Variants in EXOC4 observed in about 807,000 individuals in gnomAD.
EXOC4 encodes the protein SEC8-like 1.
EXOC4 carries 71 observed loss-of-function variants against 107.2 expected under a neutral mutation model. The ratio of observed to expected loss-of-function variants is 0.66; its 90% CI spans 0.55 to 0.81. EXOC4 has a LOEUF of 0.81. Ranked by LOEUF, EXOC4 falls within the 30% of genes least tolerant of loss-of-function variation. EXOC4 has a pLI of 0.00. For missense variants in EXOC4, 1,108 were observed against 1,189.6 expected (o/e 0.93, Z 1.01); for synonymous variants, 456 against 441.2 (o/e 1.03, Z -0.42).
At chr7:133,937,549 C>CA (rs1212078972) in intron 13 of EXOC4, among the ~76,000 whole-genome samples, 2 of 152,140 alleles carry the variant, frequency 1.3e-5, no homozygotes, top group Non-Finnish European at 2.9e-5. Flanking sequence ...AGCTGTTTAT[C>CA]AACTTCTATA....
rs1793971886 is a variant in EXOC4 at position 133,275,629 on chromosome 7, AG to A, written c.276+461del. 2.0e-5 allele frequency among the ~76,000 whole-genome samples: 3 copies of A among 152,270 alleles called. No homozygotes were observed. In the South Asian group the frequency reaches 6.2e-4, roughly 32 times the overall value. On this transcript the variant is annotated intron_variant, in intron 2 of 17. Coordinates refer to ENST00000253861, the MANE Select transcript of EXOC4 (RefSeq NM_021807.4). The stretch of plus-strand genomic sequence containing the variant: ...ACCTATTGACACTCACATGAATTGG[AG>A]GGCAGCCAGTCGAATACCCTTTTAT...
the EXOC4 span, among the ~76,000 whole-genome samples, chr7:134,087,151 C>G: frequency 6.6e-6 from 1 of 152,156 alleles, no homozygotes; most frequent in African/African-American, 2.4e-5. Context: ...TTTACTCCAC[C>G]CTTATTCAAG....
chr7:133,302,449 C>CTA, intron 3 of EXOC4, among the ~76,000 whole-genome samples: 1 of 152,138 alleles, frequency 6.6e-6, no homozygotes, highest in East Asian at 1.9e-4. Flanking sequence ...TTATATCTGT[C>CTA]TATATATATG....
chr7:134,071,835 T>C, the EXOC4 span, among the ~76,000 whole-genome samples: 1 of 152,168 alleles, frequency 6.6e-6, no homozygotes, highest in Non-Finnish European at 1.5e-5. Flanking sequence ...CTGTGCTATT[T>C]TGAGCCAAAC....
intron 7 of EXOC4, among the ~76,000 whole-genome samples, chr7:133,451,930 T>C (rs1285575701): frequency 6.6e-6 from 1 of 152,202 alleles, no homozygotes; most frequent in Non-Finnish European, 1.5e-5. Flanking sequence ...TGCCTTGCTA[T>C]TACCTTTTTA....
At chr7:134,017,188 A>G (rs1794928893) in intron 17 of EXOC4, among the ~76,000 whole-genome samples, 1 of 152,104 alleles carries the variant, frequency 6.6e-6, no homozygotes, top group African/African-American at 2.4e-5. Context: ...ATTTGCCTTT[A>G]ATACCCCAGA....
chr7:133,895,898 T>C (rs1009992664), intron 12 of EXOC4, among the ~76,000 whole-genome samples, 163 bp downstream of exon 12: 1 of 152,128 alleles, frequency 6.6e-6, no homozygotes, highest in African/African-American at 2.4e-5. Context: ...CTTTGTGTAG[T>C]CAGACCAACA....
chr7:133,855,072 A>AATATATATAAAT (rs368720520), intron 11 of EXOC4, among the ~76,000 whole-genome samples: 3 of 57,094 alleles, frequency 5.3e-5, no homozygotes, highest in African/African-American at 1.6e-4. Flanking sequence ...AATATATCTA[A>AATATATATAAAT]ATATATCTAA....
intron 5 of EXOC4, among the ~76,000 whole-genome samples, chr7:133,344,364 T>A (rs533674049): frequency 1.3e-5 from 2 of 152,332 alleles, no homozygotes; most frequent in South Asian, 2.1e-4. Context: ...TCTGTCTTTT[T>A]AAAATAATAC....
At chr7:133,640,642 T>A (rs1802831037) in intron 10 of EXOC4, among the ~76,000 whole-genome samples, 1 of 152,178 alleles carries the variant, frequency 6.6e-6, no homozygotes, top group African/African-American at 2.4e-5. Context: ...ATTCTCTTCA[T>A]GATGAATGTA....
intron 8 of EXOC4, chr7:133,479,295 T>G (rs1026781455): frequency 2.0e-5 from 3 of 152,204 alleles, no homozygotes; most frequent in African/African-American, 4.8e-5. Flanking sequence ...TTTTGTTATT[T>G]CTTTTTGTAG....
chr7:133,768,168 A>G (rs1003493059), intron 10 of EXOC4: 2 of 152,014 alleles, frequency 1.3e-5, no homozygotes, highest in South Asian at 2.1e-4. Flanking sequence ...AACAACAAAC[A>G]TATTGCTTAT....
intron 10 of EXOC4, among the ~76,000 whole-genome samples, chr7:133,794,945 C>T (rs1057250062): frequency 6.6e-6 from 1 of 151,880 alleles, no homozygotes; most frequent in Non-Finnish European, 1.5e-5. Context: ...CTCCCCCTTC[C>T]CCCCACCCCA....
At chr7:133,710,129 G>T (rs929816938) in intron 10 of EXOC4, among the ~76,000 whole-genome samples, 1 of 152,056 alleles carries the variant, frequency 6.6e-6, no homozygotes, top group Non-Finnish European at 1.5e-5. Context: ...CAGGCATTTA[G>T]AGAATACTTG....
Position 133,305,902 on chromosome 7 carries a change from G to GC in EXOC4, c.502dup (p.Leu168ProfsTer9). 2 of 1,607,722 alleles carry GC rather than the reference G, an allele frequency of 1.2e-6. No homozygotes were observed. Among genetic ancestry groups the GC allele is most frequent in the Non-Finnish European group, 1.7e-6 (2 of 1,177,256 alleles). ...GTGTCAGCAGTTGAGTCTTTGGAGG[G>GC]CCCCCTGCTCCAGGTGGAAGGACTG... On this transcript the variant is annotated frameshift_variant, in exon 4 of 18. Transcript: ENST00000253861. LOFTEE classifies it high-confidence loss of function.
chr7:133,523,576 A>G (rs918731498), intron 9 of EXOC4, among the ~76,000 whole-genome samples: 15 of 151,956 alleles, frequency 9.9e-5, no homozygotes, highest in African/African-American at 2.9e-4. Flanking sequence ...ATATCTCCCA[A>G]TGCTATCCCT....
At chr7:133,926,531 G>A (rs1800056800) in intron 13 of EXOC4, among the ~76,000 whole-genome samples, 1 of 152,094 alleles carries the variant, frequency 6.6e-6, no homozygotes, top group Non-Finnish European at 1.5e-5. Flanking sequence ...ATAACAGGTT[G>A]TTAAACAGAA....
rs540189588 is a variant in EXOC4, at chr7:133,326,695, T to C, written c.763+9305T>C. On this transcript the variant is annotated intron_variant, in intron 5 of 17. Coordinates refer to ENST00000253861, the MANE Select transcript of EXOC4 (RefSeq NM_021807.4). ...GGGGCAGTCTGTCCGTTCTCAGATC[T>C]CAAATTCCGTGCTGGGAGAACCACT... Among the ~76,000 whole-genome samples the C allele has an allele frequency of 1.1e-4, 17 of 152,292 alleles. No individual in the cohort carries two copies. In the South Asian group the frequency reaches 3.5e-3, roughly 32 times the overall value.
intron 12 of EXOC4, among the ~76,000 whole-genome samples, 199 bp downstream of exon 12, chr7:133,895,934 G>A (rs1043042750): frequency 2.0e-5 from 3 of 152,150 alleles, no homozygotes; most frequent in African/African-American, 7.2e-5. Flanking sequence ...ATGAAGGGAC[G>A]CAGCCACTAG....
Sources: gnomAD v4.1 joint callset for allele counts (sites outside exome capture counted in the v4.1 genomes callset) on GRCh38, gnomAD v4.1.1 for gene constraint, MANE v1.5 for transcripts, NCBI Gene and HGNC (gene_info 2026-07-23, HGNC 2026-07-21) for gene names.